GALNT13: variants seen among roughly 807,000 people sequenced by gnomAD.
GALNT13 encodes the protein UDP-GalNAc:polypeptide N-acetylgalactosaminyltransferase 13.
GALNT13 carries 28 observed loss-of-function variants against 64.2 expected under a neutral mutation model. That is an observed-to-expected ratio of 0.44 (90% confidence interval 0.32 to 0.60). The LOEUF (loss-of-function observed/expected upper bound fraction) is 0.60, where lower values mean the gene tolerates loss of function less well. Ranked by LOEUF, GALNT13 falls within the 20% of genes least tolerant of loss-of-function variation. GALNT13 has a pLI of 0.05. For synonymous variants in GALNT13, 214 were observed against 224.6 expected (o/e 0.95, Z 0.42); for missense variants, 577 against 669.8 (o/e 0.86, Z 1.53).
intron 12 of GALNT13, chr2:154,446,542 T>TA (rs1158692011): frequency 6.6e-7 from 1 of 1,516,220 alleles, no homozygotes. Context: ...ATTTTGTCAT[T>TA]ATTCGTTATT....
chr2:154,108,221 C>A (rs1261085558), intron 3 of GALNT13, among the ~76,000 whole-genome samples: 1 of 150,592 alleles, frequency 6.6e-6, no homozygotes, highest in Non-Finnish European at 1.5e-5. Flanking sequence ...ATTTACATTC[C>A]CACCAAGAGC....
the GALNT13 span, among the ~76,000 whole-genome samples, chr2:153,381,625 A>G: frequency 6.6e-6 from 1 of 152,024 alleles, no homozygotes; most frequent in Non-Finnish European, 1.5e-5. Flanking sequence ...ATTTGAATCA[A>G]TGGGCAAAGA....
At chr2:153,822,429 A>G in the GALNT13 span, among the ~76,000 whole-genome samples, 1 of 152,190 alleles carries the variant, frequency 6.6e-6, no homozygotes. Context: ...AGTTCCACAT[A>G]TACAAATAAA....
chr2:154,285,180 A>C (rs1343339428), intron 8 of GALNT13, among the ~76,000 whole-genome samples: 1 of 151,902 alleles, frequency 6.6e-6, no homozygotes. Flanking sequence ...TTGTCTCCTC[A>C]CTCTGTTGTT....
the GALNT13 span, among the ~76,000 whole-genome samples, chr2:153,375,859 G>A: frequency 6.6e-6 from 1 of 152,142 alleles, no homozygotes; most frequent in African/African-American, 2.4e-5. Context: ...TTTGACTCAT[G>A]GTTCTGCAAG....
At chr2:153,841,372 C>T in the GALNT13 span, among the ~76,000 whole-genome samples, 25 of 152,130 alleles carry the variant, frequency 1.6e-4, no homozygotes, top group African/African-American at 5.6e-4. Flanking sequence ...GAAACTTTTA[C>T]TTCACTGAGG....
At chr2:153,432,430 T>C in the GALNT13 span, among the ~76,000 whole-genome samples, 23 of 152,324 alleles carry the variant, frequency 1.5e-4, no homozygotes, top group East Asian at 4.4e-3. Flanking sequence ...GCTGCACAAA[T>C]TAATCTGGAC....
the GALNT13 span, among the ~76,000 whole-genome samples, chr2:153,814,449 A>ATAAATAAGTAAGTAAGTAAG: frequency 6.7e-6 from 1 of 148,306 alleles, no homozygotes; most frequent in African/African-American, 2.5e-5. Flanking sequence ...CAATAAATAA[A>ATAAATAAGTAAGTAAGTAAG]TAAGTAAGTA....
the GALNT13 span, among the ~76,000 whole-genome samples, chr2:153,633,221 A>G: frequency 4.6e-5 from 7 of 152,198 alleles, no homozygotes; most frequent in African/African-American, 1.7e-4. Flanking sequence ...CATATACAAA[A>G]TAGAAAATAT....
At chr2:154,168,601 G>A (rs1685166804) in intron 4 of GALNT13, among the ~76,000 whole-genome samples, 1 of 150,876 alleles carries the variant, frequency 6.6e-6, no homozygotes, top group African/African-American at 2.4e-5. Context: ...TTGGGAGGCT[G>A]AGGCAGGCAG....
intron 9 of GALNT13, among the ~76,000 whole-genome samples, chr2:154,354,255 C>T (rs1696586033): frequency 2.0e-5 from 3 of 151,956 alleles, no homozygotes; most frequent in Admixed American, 2.0e-4. Flanking sequence ...GGTTGTTTTT[C>T]TGCTATTGAG....
the GALNT13 span, among the ~76,000 whole-genome samples, chr2:153,566,348 G>GTTTTTGTT: frequency 2.7e-5 from 2 of 74,826 alleles, no homozygotes; most frequent in East Asian, 5.9e-4. Flanking sequence ...TTCTAATCAC[G>GTTTTTGTT]TTTTTTTTTT....
the GALNT13 span, among the ~76,000 whole-genome samples, chr2:153,393,329 C>T: frequency 6.7e-6 from 1 of 150,348 alleles, no homozygotes; most frequent in Non-Finnish European, 1.5e-5. Flanking sequence ...TCTCTAGTTT[C>T]TTTGTCTTGT....
the GALNT13 span, among the ~76,000 whole-genome samples, chr2:153,853,085 G>T: frequency 2.0e-5 from 3 of 152,136 alleles, no homozygotes; most frequent in African/African-American, 7.2e-5. Flanking sequence ...AGGTCCAAGA[G>T]TTCAAAAGCT....
At chr2:153,996,463 T>G (rs1695531128) in intron 3 of GALNT13, among the ~76,000 whole-genome samples, 1 of 152,104 alleles carries the variant, frequency 6.6e-6, no homozygotes, top group Non-Finnish European at 1.5e-5. Context: ...TATCTACTGG[T>G]CATTTGCATG....
chr2:153,177,109 A>T, the GALNT13 span, among the ~76,000 whole-genome samples: 18,741 of 149,644 alleles, frequency 0.13, 1,464 homozygotes, highest in Non-Finnish European at 0.17. Flanking sequence ...AGCATTGATT[A>T]ATACAATAAA....
At chr2:153,115,452 T>TTTTTCTCATG in the GALNT13 span, among the ~76,000 whole-genome samples, 1 of 152,208 alleles carries the variant, frequency 6.6e-6, no homozygotes, top group African/African-American at 2.4e-5. Context: ...CCAGTAAAGC[T>TTTTTCTCATG]TTTTCTCATG....
At chr2:153,301,203 G>A in the GALNT13 span, among the ~76,000 whole-genome samples, 5 of 149,408 alleles carry the variant, frequency 3.3e-5, no homozygotes, top group Middle Eastern at 3.5e-3. Context: ...CCAGCTGCAC[G>A]AGAGGCTGGG....
At chr2:153,346,519 AT>A in the GALNT13 span, among the ~76,000 whole-genome samples, 4 of 151,918 alleles carry the variant, frequency 2.6e-5, no homozygotes, top group Non-Finnish European at 5.9e-5. Flanking sequence ...TTTATAATTT[AT>A]TTTTTTTAAT....
Sources: allele counts gnomAD v4.1 joint callset (sites outside exome capture counted in the v4.1 genomes callset), GRCh38; gene constraint gnomAD v4.1.1; transcripts MANE v1.5; gene names NCBI Gene and HGNC (gene_info 2026-07-23, HGNC 2026-07-21).